Variants in MSRA observed in about 807,000 individuals in gnomAD.
The protein encoded by MSRA is methionine sulfoxide reductase A, also known as mitochondrial peptide methionine sulfoxide reductase.
MSRA carries 54 observed loss-of-function variants against 31.3 expected under a neutral mutation model. The observed-to-expected ratio is 1.73, with a 90% confidence interval of 1.39 to 2.17. The LOEUF is 2.17. Ranked by LOEUF, MSRA falls within the 30% of genes most tolerant of loss-of-function variation. The pLI is 0.00. For synonymous variants in MSRA, 169 were observed against 116.5 expected (o/e 1.45, Z -2.90); for missense variants, 507 against 300.9 (o/e 1.69, Z -5.07).
At chr8:10,422,413 A>G (rs1264213584) in intron 5 of MSRA, among the ~76,000 whole-genome samples, 1 of 152,196 alleles carries the variant, frequency 6.6e-6, no homozygotes, top group Non-Finnish European at 1.5e-5. Flanking sequence ...GGAGAAAATG[A>G]CAACAGAAGG....
intron 1 of MSRA, among the ~76,000 whole-genome samples, chr8:10,181,698 G>T (rs1485515176): frequency 6.6e-6 from 1 of 152,176 alleles, no homozygotes; most frequent in Non-Finnish European, 1.5e-5. Context: ...AGAGGAAATA[G>T]ATGAACTTGC....
chr8:10,060,180 G>A (rs1400939502), intron 1 of MSRA, among the ~76,000 whole-genome samples: 1 of 152,160 alleles, frequency 6.6e-6, no homozygotes, highest in Non-Finnish European at 1.5e-5. Context: ...CTACAGCTTT[G>A]TTTGCAATAG....
At chr8:10,414,169 A>G (rs1808321725) in intron 5 of MSRA, among the ~76,000 whole-genome samples, 1 of 152,088 alleles carries the variant, frequency 6.6e-6, no homozygotes, top group Non-Finnish European at 1.5e-5. Flanking sequence ...TCTGTCTATG[A>G]AGAAAAAAAA....
At chr8:10,229,816 C>A (rs1360619569) in intron 2 of MSRA, among the ~76,000 whole-genome samples, 1 of 152,172 alleles carries the variant, frequency 6.6e-6, no homozygotes, top group African/African-American at 2.4e-5. Flanking sequence ...GAATCCACGT[C>A]TATAATCTAG....
At chr8:10,197,279 A>G (rs1475919807) in intron 1 of MSRA, among the ~76,000 whole-genome samples, 4 of 152,182 alleles carry the variant, frequency 2.6e-5, no homozygotes, top group Admixed American at 1.3e-4. Flanking sequence ...TAAGTTAGAC[A>G]TGGTACTTAA....
At chr8:10,407,975 A>T (rs1397928819) in intron 5 of MSRA, among the ~76,000 whole-genome samples, 1 of 152,220 alleles carries the variant, frequency 6.6e-6, no homozygotes, top group Non-Finnish European at 1.5e-5. Flanking sequence ...AGGATTGCAA[A>T]GAAGAACCAA....
At chr8:10,269,912 A>G (rs1050822495) in intron 3 of MSRA, among the ~76,000 whole-genome samples, 3 of 151,514 alleles carry the variant, frequency 2.0e-5, no homozygotes, top group East Asian at 3.9e-4. Context: ...CAGCCTCCCA[A>G]AGTGCTGGGA....
chr8:10,316,312 C>T (rs1159412648), intron 4 of MSRA, among the ~76,000 whole-genome samples: 7 of 151,792 alleles, frequency 4.6e-5, no homozygotes, highest in African/African-American at 1.7e-4. Flanking sequence ...TAGATGGTTC[C>T]AGATGCAGCA....
intron 4 of MSRA, among the ~76,000 whole-genome samples, chr8:10,317,074 G>A (rs1801767237): frequency 6.6e-6 from 1 of 152,160 alleles, no homozygotes; most frequent in Non-Finnish European, 1.5e-5. Context: ...TGGAGGTCAT[G>A]CTAGTAGGAG....
intron 1 of MSRA, among the ~76,000 whole-genome samples, chr8:10,180,974 C>T (rs985140026): frequency 1.3e-5 from 2 of 152,146 alleles, no homozygotes; most frequent in Non-Finnish European, 2.9e-5. Flanking sequence ...ATCTTGATAA[C>T]GTTCCATGCT....
At chr8:10,210,238 A>G (rs778729967) in intron 2 of MSRA, among the ~76,000 whole-genome samples, 6 of 152,294 alleles carry the variant, frequency 3.9e-5, no homozygotes, top group Non-Finnish European at 7.4e-5. Context: ...TAGCGAGGCC[A>G]TGTGACTTAT....
At chr8:10,124,177 G>T (rs1215001223) in intron 1 of MSRA, among the ~76,000 whole-genome samples, 1 of 152,108 alleles carries the variant, frequency 6.6e-6, no homozygotes, top group African/African-American at 2.4e-5. Flanking sequence ...CTTCTTTGGG[G>T]ACATTGAGAC....
chr8:10,149,619 T>G (rs1803484418), intron 1 of MSRA, among the ~76,000 whole-genome samples: 1 of 152,030 alleles, frequency 6.6e-6, no homozygotes, highest in Non-Finnish European at 1.5e-5. Context: ...ATTGTTTGGT[T>G]TTCACTGTAT....
chr8:10,303,324 A>G (rs1800948624), intron 4 of MSRA, among the ~76,000 whole-genome samples: 1 of 152,136 alleles, frequency 6.6e-6, no homozygotes, highest in African/African-American at 2.4e-5. Flanking sequence ...TCATTTGATC[A>G]CATCTTCATT....
intron 1 of MSRA, among the ~76,000 whole-genome samples, chr8:10,133,771 GGATATTATCCT>G (rs1802068071): frequency 6.6e-6 from 1 of 152,188 alleles, no homozygotes; most frequent in South Asian, 2.1e-4. Flanking sequence ...AACCTTAACA[GGATATTATCCT>G]GACCTGTCAG....
chr8:10,218,010 T>C (rs1810150835), intron 2 of MSRA, among the ~76,000 whole-genome samples: 1 of 152,150 alleles, frequency 6.6e-6, no homozygotes, highest in Admixed American at 6.5e-5. Context: ...ATCATGTTCA[T>C]TTGTCCTCTT....
At chr8:10,347,708 C>T (rs1298269220) in intron 5 of MSRA, among the ~76,000 whole-genome samples, 2 of 152,218 alleles carry the variant, frequency 1.3e-5, no homozygotes, top group African/African-American at 4.8e-5. Context: ...CTCAGCCTAG[C>T]CTTCAGAGCT....
chr8:10,393,588 A>G (rs1251430359), intron 5 of MSRA, among the ~76,000 whole-genome samples: 1 of 152,108 alleles, frequency 6.6e-6, no homozygotes, highest in Non-Finnish European at 1.5e-5. Flanking sequence ...CCATATCAAC[A>G]TGGGATACCT....
At chr8:10,168,504 T>C (rs1208822499) in intron 1 of MSRA, among the ~76,000 whole-genome samples, 1 of 152,176 alleles carries the variant, frequency 6.6e-6, no homozygotes, top group African/African-American at 2.4e-5. Flanking sequence ...AATGTGGTTT[T>C]TGGAAAGTAG....
Sources: gnomAD v4.1 joint callset for allele counts (sites outside exome capture counted in the v4.1 genomes callset) on GRCh38, gnomAD v4.1.1 for gene constraint, MANE v1.5 for transcripts, NCBI Gene and HGNC (gene_info 2026-07-23, HGNC 2026-07-21) for gene names.